NKAIN2: variants seen among roughly 807,000 people sequenced by gnomAD.
NKAIN2 encodes sodium/potassium-transporting ATPase subunit beta-1-interacting protein 2.
Under a neutral mutation model 32.6 loss-of-function variants are expected in NKAIN2, and 14 were observed. That is an observed-to-expected ratio of 0.43 (90% CI 0.28 to 0.67). The LOEUF is 0.67. Ranked by LOEUF, NKAIN2 falls within the 30% of genes least tolerant of loss-of-function variation. The pLI, the probability that NKAIN2 is intolerant of heterozygous loss-of-function variation, is 0.17. For missense variants in NKAIN2, 198 were observed against 258.3 expected (o/e 0.77, Z 1.60); for synonymous variants, 80 against 87.2 (o/e 0.92, Z 0.46).
chr6:124,010,494 T>G (rs1200811828), intron 1 of NKAIN2, among the ~76,000 whole-genome samples: 1 of 150,556 alleles, frequency 6.6e-6, no homozygotes, highest in African/African-American at 2.4e-5. Context: ...GGACAAATCA[T>G]TGAGAAAGTT....
chr6:124,820,441 T>A (rs1781347329), intron 6 of NKAIN2, among the ~76,000 whole-genome samples: 1 of 152,156 alleles, frequency 6.6e-6, no homozygotes, highest in Non-Finnish European at 1.5e-5. Flanking sequence ...AGAATATATA[T>A]AAAGCACATG....
chr6:124,515,635 A>G (rs959163031), intron 3 of NKAIN2, among the ~76,000 whole-genome samples: 15 of 152,060 alleles, frequency 9.9e-5, no homozygotes, highest in African/African-American at 3.1e-4. Flanking sequence ...AACATTAGGG[A>G]TCAGATTTCA....
At chr6:124,272,237 C>T (rs1794828142) in intron 1 of NKAIN2, among the ~76,000 whole-genome samples, 2 of 152,196 alleles carry the variant, frequency 1.3e-5, no homozygotes, top group South Asian at 4.1e-4. Context: ...CCATCACAGG[C>T]CCAGAGGCCT....
At chr6:124,208,471 G>C (rs1791004358) in intron 1 of NKAIN2, among the ~76,000 whole-genome samples, 1 of 151,794 alleles carries the variant, frequency 6.6e-6, no homozygotes, top group Middle Eastern at 3.4e-3. Flanking sequence ...TTTCTAACTA[G>C]TGTGCTAGAA....
intron 1 of NKAIN2, among the ~76,000 whole-genome samples, chr6:124,179,060 G>A (rs754082144): frequency 3.3e-5 from 5 of 152,162 alleles, no homozygotes; most frequent in Non-Finnish European, 7.3e-5. Flanking sequence ...ATTAAAATTA[G>A]CAAAGACTTT....
At chr6:124,120,086 T>C (rs1785805058) in intron 1 of NKAIN2, among the ~76,000 whole-genome samples, 1 of 152,188 alleles carries the variant, frequency 6.6e-6, no homozygotes, top group Non-Finnish European at 1.5e-5. Flanking sequence ...AGGTGTCTTC[T>C]GTGGGCCTCT....
chr6:124,419,746 C>T (rs193284837), intron 3 of NKAIN2, among the ~76,000 whole-genome samples: 3 of 152,192 alleles, frequency 2.0e-5, no homozygotes, highest in Admixed American at 2.0e-4. Flanking sequence ...TTTTTCAGAT[C>T]TAGTAATACT....
intron 2 of NKAIN2, among the ~76,000 whole-genome samples, chr6:124,297,308 T>C (rs1796095906): frequency 6.6e-6 from 1 of 152,194 alleles, no homozygotes; most frequent in African/African-American, 2.4e-5. Context: ...CTGATATGTG[T>C]TATATACTGT....
At chr6:124,439,459 A>T (rs1254982863) in intron 3 of NKAIN2, among the ~76,000 whole-genome samples, 3 of 151,742 alleles carry the variant, frequency 2.0e-5, no homozygotes, top group African/African-American at 7.3e-5. Flanking sequence ...ATTTCTTCGT[A>T]CACTAGACTC....
chr6:123,853,321 TC>T (rs1031244163), intron 1 of NKAIN2, among the ~76,000 whole-genome samples: 67 of 152,304 alleles, frequency 4.4e-4, no homozygotes, highest in African/African-American at 1.6e-3. Flanking sequence ...CAATGCATTT[TC>T]TATACATAAT....
At chr6:123,921,374 C>T (rs1775744335) in intron 1 of NKAIN2, among the ~76,000 whole-genome samples, 2 of 152,184 alleles carry the variant, frequency 1.3e-5, no homozygotes, top group Admixed American at 1.3e-4. Context: ...GAATAATTTT[C>T]TGGCTCTGGA....
chr6:124,173,478 T>A (rs1172698316), intron 1 of NKAIN2, among the ~76,000 whole-genome samples: 1 of 152,084 alleles, frequency 6.6e-6, no homozygotes, highest in African/African-American at 2.4e-5. Context: ...CCTCAAAGAT[T>A]GAGCCTTAAA....
chr6:124,133,674 A>G (rs1245242357), intron 1 of NKAIN2, among the ~76,000 whole-genome samples: 1 of 152,188 alleles, frequency 6.6e-6, no homozygotes, highest in Admixed American at 6.5e-5. Flanking sequence ...TTACAACTCC[A>G]TAGGAGACAG....
intron 1 of NKAIN2, among the ~76,000 whole-genome samples, chr6:124,056,290 T>TA (rs1782648247): frequency 6.6e-6 from 1 of 151,742 alleles, no homozygotes; most frequent in Non-Finnish European, 1.5e-5. Flanking sequence ...TTTTCTCATA[T>TA]AAAAAATAAT....
At chr6:124,099,215 T>C (rs1784775490) in intron 1 of NKAIN2, among the ~76,000 whole-genome samples, 1 of 152,188 alleles carries the variant, frequency 6.6e-6, no homozygotes, top group South Asian at 2.1e-4. Flanking sequence ...ATCTAATATA[T>C]GGCATGCCCT....
intron 1 of NKAIN2, among the ~76,000 whole-genome samples, chr6:124,111,791 T>C (rs555309519): frequency 6.6e-6 from 1 of 152,140 alleles, no homozygotes; most frequent in Admixed American, 6.6e-5. Context: ...TTTTTTGGTA[T>C]TGTTATGCCT....
intron 4 of NKAIN2, among the ~76,000 whole-genome samples, chr6:124,761,847 A>G (rs562710245): frequency 3.3e-5 from 5 of 152,278 alleles, no homozygotes; most frequent in South Asian, 2.1e-4. Context: ...TCCTTTTGCT[A>G]TCACATTATG....
At chr6:124,343,928 T>A (rs1306932973) in intron 2 of NKAIN2, among the ~76,000 whole-genome samples, 4 of 144,974 alleles carry the variant, frequency 2.8e-5, no homozygotes, top group Non-Finnish European at 4.6e-5. Flanking sequence ...CTGAATGGTA[T>A]TGCCTAGGTT....
Position 123,859,690 on chromosome 6 carries a change from T to G in NKAIN2, c.54+55436T>G, listed in dbSNP as rs181791714. ...ATCATCTAGGTATCTGCCTATTTAC[T>G]TTTTTTTGTTTGTTTTTGAGATGGA... On this transcript the variant is annotated intron_variant, in intron 1 of 6. Coordinates refer to ENST00000368417, the MANE Select transcript of NKAIN2 (RefSeq NM_001040214.3). Among the ~76,000 whole-genome samples, 377 of 152,122 alleles carry G rather than the reference T, an allele frequency of 2.5e-3. 8 individuals are homozygous for G. Among genetic ancestry groups the G allele is most frequent in the Non-Finnish European group, 6.6e-4 (45 of 67,980 alleles).
Sources: gnomAD v4.1 joint callset for allele counts (sites outside exome capture counted in the v4.1 genomes callset) on GRCh38, gnomAD v4.1.1 for gene constraint, MANE v1.5 for transcripts, NCBI Gene and HGNC (gene_info 2026-07-23, HGNC 2026-07-21) for gene names.